Variants in PLEKHA2 observed in about 807,000 individuals in gnomAD.
The protein encoded by PLEKHA2 is pleckstrin homology domain containing A2, also known as pleckstrin homology domain-containing family A member 2.
PLEKHA2 carries 28 observed loss-of-function variants against 53.2 expected under a neutral mutation model. That is an observed-to-expected ratio of 0.53 (90% CI 0.39 to 0.72). PLEKHA2 has a LOEUF of 0.72. Among genes scored for constraint, PLEKHA2 ranks in the 30% least tolerant of loss-of-function variants. The pLI is 0.00. For missense variants in PLEKHA2, 426 were observed against 537.9 expected, an observed-to-expected ratio of 0.79 and a Z score of 2.06; for synonymous variants, 193 against 196.4, an observed-to-expected ratio of 0.98 and a Z score of 0.14.
intron 2 of PLEKHA2, among the ~76,000 whole-genome samples, chr8:38,928,937 TC>T (rs959584115): frequency 6.6e-6 from 1 of 152,264 alleles, no homozygotes; most frequent in Admixed American, 6.5e-5. Flanking sequence ...TTCGCTTGGC[TC>T]CCCTGCTTTG....
chr8:38,925,864 T>G (rs950738357), intron 2 of PLEKHA2, among the ~76,000 whole-genome samples: 2 of 152,252 alleles, frequency 1.3e-5, no homozygotes, highest in African/African-American at 2.4e-5. Flanking sequence ...TAAGCAAATT[T>G]TGGCTGAAAG....
At position 38,953,346 on chromosome 8, in the gene PLEKHA2, A is replaced by G. The variant is rs929165552; in HGVS notation, c.752A>G (p.His251Arg). 1.7e-5 allele frequency: 27 copies of G among 1,612,932 alleles called. No homozygotes were observed. Among genetic ancestry groups the G allele is most frequent in the East Asian group, 2.2e-5 (1 of 44,898 alleles). ...TTTCTTAAGGATGTTCTGAAGACCCATGAATGTCTGGTCAAGTCTGGGTAA... is the reference window on the plus strand; with the variant it reads ...TTTCTTAAGGATGTTCTGAAGACCCGTGAATGTCTGGTCAAGTCTGGGTAA... ...TIFLKDVLKT[H>R]ECLVKSGDLL... The change falls in exon 9 of 12, where the codon CAT (histidine) becomes CGT (arginine). Residue 251 changes from histidine to arginine, a missense_variant. His to Arg is a conservative substitution (Grantham distance 29). Transcript: ENST00000617275.
At chr8:38,921,205 T>C (rs926201252) in intron 2 of PLEKHA2, among the ~76,000 whole-genome samples, 3 of 152,238 alleles carry the variant, frequency 2.0e-5, no homozygotes, top group Non-Finnish European at 4.4e-5. Flanking sequence ...GGGTGACTTA[T>C]GGGTCTTCAC....
Position 38,932,076 on chromosome 8 carries a change from G to A in PLEKHA2, c.142-3918G>A, listed in dbSNP as rs189726722. On this transcript the variant is annotated intron_variant, in intron 2 of 11. Coordinates refer to ENST00000617275, the MANE Select transcript of PLEKHA2 (RefSeq NM_021623.2). Reference sequence around the variant, plus strand: ...CACGATCATAGCTCACTGCAGCCTCGAACTCCTGGGCTCAAGTGATCTTCC... The same window carrying A: ...CACGATCATAGCTCACTGCAGCCTCAAACTCCTGGGCTCAAGTGATCTTCC... Among the ~76,000 whole-genome samples the A allele has an allele frequency of 6.5e-3, 982 of 152,100 alleles. 10 individuals are homozygous for A. The highest frequency in any genetic ancestry group is 0.023 in the South Asian group (110 of 4,822).
rs114643336 is a variant in PLEKHA2 at position 38,930,496 on chromosome 8, G to A, written c.142-5498G>A. The stretch of plus-strand genomic sequence containing the variant: ...TGGGATTACAGGCGTGAGCCACCAC[G>A]CTCAGCCTAAAACCACCTATCTTTT... On this transcript the variant is annotated intron_variant, in intron 2 of 11. Coordinates refer to ENST00000617275, the MANE Select transcript of PLEKHA2 (RefSeq NM_021623.2). Among the ~76,000 whole-genome samples, 346 of 152,280 alleles carry A rather than the reference G, an allele frequency of 2.3e-3. 2 individuals carry two copies. Among genetic ancestry groups the A allele is most frequent in the African/African-American group, 8.0e-3 (332 of 41,556 alleles).
intron 9 of PLEKHA2, among the ~76,000 whole-genome samples, chr8:38,953,569 T>C (rs954457120): frequency 6.6e-6 from 1 of 152,134 alleles, no homozygotes; most frequent in Admixed American, 6.6e-5. Context: ...CCTCTTCCCA[T>C]ACCTTACTCT....
At chr8:38,951,347 C>T (rs913039843) in intron 6 of PLEKHA2, among the ~76,000 whole-genome samples, 13 of 152,138 alleles carry the variant, frequency 8.5e-5, no homozygotes, top group Non-Finnish European at 1.9e-4. Flanking sequence ...ATTCCCTATC[C>T]TTCCCTTTCT....
rs543588032 is a variant in PLEKHA2, at chr8:38,968,850, T to G, written c.915+181T>G. The G allele has an allele frequency of 2.9e-5, 17 of 579,770 alleles. No individual in the cohort carries two copies. In the South Asian group the frequency reaches 3.6e-4, roughly 12 times the overall value. The allele number at this position is 579,770 out of a possible 1,614,324, so 35.9% of individuals were successfully genotyped here. On this transcript the variant is annotated intron_variant, in intron 11 of 11. Coordinates refer to ENST00000617275, the MANE Select transcript of PLEKHA2 (RefSeq NM_021623.2). ...GGTACACATTTTTATTTTTCTCTGT[T>G]TGGTTGTGGGAGGAGGTGAGGTAGG...
chr8:38,959,479 C>T (rs907298429), intron 10 of PLEKHA2, among the ~76,000 whole-genome samples: 4 of 152,098 alleles, frequency 2.6e-5, no homozygotes, highest in African/African-American at 9.7e-5. Flanking sequence ...TAAAAAATAC[C>T]ACTTGGGCAA....
intron 5 of PLEKHA2, among the ~76,000 whole-genome samples, chr8:38,948,168 C>T (rs1359145347): frequency 6.6e-6 from 1 of 151,504 alleles, no homozygotes; most frequent in Non-Finnish European, 1.5e-5. Context: ...GGGGAAATTT[C>T]TGCAGTTCCA....
In PLEKHA2 at chr8:38,933,790, A is replaced by AAAAAAG. The variant is rs71216697; in HGVS notation, c.142-2200_142-2199insAGAAAA. Among the ~76,000 whole-genome samples, 9 of 90,692 alleles carry AAAAAAG rather than the reference A, an allele frequency of 9.9e-5. 1 individual carries two copies. The highest frequency in any genetic ancestry group is 2.2e-4 in the Non-Finnish European group (9 of 40,812). 59.5% of individuals were successfully genotyped at this position (90,692 alleles called of 152,430 possible). A position where few individuals can be genotyped will look rare whatever the true frequency, so the allele number is the denominator to read the frequency against. ...AATAGAGGTTTCCTAAAAAAAAAAA[A>AAAAAAG]AAAAGAAAAGAAAGAAAAGCAGTCG... On this transcript the variant is annotated intron_variant, in intron 2 of 11. Coordinates refer to ENST00000617275, the MANE Select transcript of PLEKHA2 (RefSeq NM_021623.2).
chr8:38,903,481 G>A (rs1252118613), intron 1 of PLEKHA2, among the ~76,000 whole-genome samples: 1 of 152,208 alleles, frequency 6.6e-6, no homozygotes, highest in Non-Finnish European at 1.5e-5. Flanking sequence ...ACCATATTCA[G>A]CTCGGTATTT....
Position 38,918,049 on chromosome 8 carries a change from C to T in PLEKHA2, c.120C>T (p.Leu40=). 6.2e-7 allele frequency: 1 copy of T among 1,613,270 alleles called. No individual in the cohort carries two copies. The highest frequency in any genetic ancestry group is 8.5e-7 in the Non-Finnish European group (1 of 1,179,544). ...FILDTQANCL[L]WYMDNPQNLA... is the part of the protein sequence containing the mutation. ...TGGACACCCAGGCTAACTGCCTCCT[C>T]TGGTATATGGACAACCCCCAGGTGA... is the stretch of plus-strand genomic sequence containing the variant. Residue 40 remains leucine (L), a synonymous_variant, in exon 2 of 12, where the codon CTC becomes CTT. Transcript: ENST00000617275.
chr8:38,922,454 G>A lies in PLEKHA2; in HGVS notation c.141+4384G>A, dbSNP rs1303179127. Reference sequence around the variant, plus strand: ...TTGCTTTCCTGGGACTGGGGACAGGGCCAAAATGGAATGGAAGCTCTGCAG... The same window carrying A: ...TTGCTTTCCTGGGACTGGGGACAGGACCAAAATGGAATGGAAGCTCTGCAG... On this transcript the variant is annotated intron_variant, in intron 2 of 11. Transcript: ENST00000617275. The surrounding 1 kb of genome is among the most constrained non-coding windows in gnomAD (Gnocchi z 4.0). Among the ~76,000 whole-genome samples the A allele has an allele frequency of 6.6e-6, 1 of 152,204 alleles. No homozygotes were observed. The highest frequency in any genetic ancestry group is 2.4e-5 in the African/African-American group (1 of 41,450).
intron 5 of PLEKHA2, among the ~76,000 whole-genome samples, chr8:38,946,738 T>C (rs1323218850): frequency 6.6e-6 from 1 of 152,216 alleles, no homozygotes; most frequent in Non-Finnish European, 1.5e-5. Context: ...AGTGTGCTCT[T>C]TTTCCTTGAG....
In PLEKHA2 at chr8:38,971,123, T is replaced by C. The variant is rs552495616; in HGVS notation, c.*1340T>C. ...GAGGTGAAAACACTTGATGAGAAAA[T>C]CCTTTGTGGCTTGAGGGGAATCATG... On this transcript the variant is annotated 3_prime_UTR_variant, in exon 12 of 12. Coordinates refer to ENST00000617275, the MANE Select transcript of PLEKHA2 (RefSeq NM_021623.2). 1 of 152,324 alleles carries C rather than the reference T, an allele frequency of 6.6e-6. No individual in the cohort carries two copies. Among genetic ancestry groups the C allele is most frequent in the East Asian group, 1.9e-4 (1 of 5,184 alleles). 9.4% of individuals were successfully genotyped at this position (152,324 alleles called of 1,614,324 possible).
At chr8:38,949,373 TG>T (rs1834782721) in intron 5 of PLEKHA2, among the ~76,000 whole-genome samples, 2 of 152,192 alleles carry the variant, frequency 1.3e-5, no homozygotes, top group African/African-American at 4.8e-5. Context: ...CCCGTTCTGC[TG>T]GGGAGAATGG....
intron 5 of PLEKHA2, among the ~76,000 whole-genome samples, chr8:38,950,063 C>T (rs532096146): frequency 6.6e-5 from 10 of 151,338 alleles, no homozygotes; most frequent in African/African-American, 1.2e-4. Flanking sequence ...GTATTTTTTT[C>T]GAGACAGGGT....
chr8:38,947,280 G>A (rs755248033), intron 5 of PLEKHA2, among the ~76,000 whole-genome samples: 10 of 152,066 alleles, frequency 6.6e-5, no homozygotes, highest in Admixed American at 1.3e-4. Context: ...GTGAAACCCC[G>A]TCTCTACTAA....
Sources: allele counts gnomAD v4.1 joint callset (sites outside exome capture counted in the v4.1 genomes callset), GRCh38; gene constraint gnomAD v4.1.1; non-coding constraint Gnocchi (gnomAD v3.1); transcripts MANE v1.5; gene names NCBI Gene and HGNC (gene_info 2026-07-23, HGNC 2026-07-21).